SSR3: variants seen among roughly 807,000 people sequenced by gnomAD.
SSR3 encodes the protein signal sequence receptor subunit 3.
Under a neutral mutation model 22.1 loss-of-function variants are expected in SSR3, and 10 were observed. That is an observed-to-expected ratio of 0.45 (90% CI 0.28 to 0.77). SSR3 has a LOEUF of 0.77. Ranked by LOEUF, SSR3 falls within the 30% of genes least tolerant of loss-of-function variation. SSR3 has a pLI of 0.13. For missense variants in SSR3, 181 were observed against 220.5 expected (o/e 0.82, Z 1.13); for synonymous variants, 104 against 82.5 (o/e 1.26, Z -1.42).
At chr3:156,554,137 C>T (rs2292340) in intron 1 of SSR3, 51,038 of 169,714 alleles carry the variant, frequency 0.3, 8,124 homozygotes, top group African/African-American at 0.41. Context: ...CCACGTGCAG[C>T]CCCAAACCAT....
chr3:156,549,958 T>C (rs2108448962), intron 2 of SSR3, among the ~76,000 whole-genome samples: 1 of 151,938 alleles, frequency 6.6e-6, no homozygotes, highest in East Asian at 1.9e-4. Flanking sequence ...AAGATCCAAC[T>C]TCATTTGATT....
intron 1 of SSR3, chr3:156,554,708 C>A: frequency 1.9e-6 from 1 of 517,192 alleles, no homozygotes; most frequent in Non-Finnish European, 3.4e-6. Context: ...ACCACCTTCT[C>A]CTGGGGTGGA....
At chr3:156,549,108 G>A (rs576465190) in intron 2 of SSR3, 105 bp from the exon 3 acceptor site, 263 of 1,114,316 alleles carry the variant, frequency 2.4e-4, no homozygotes, top group Admixed American at 5.9e-4. Flanking sequence ...GCAACAGAAT[G>A]ATATTTCACA....
rs536551305 is a variant in SSR3, at chr3:156,541,576, G to A, written c.*1627C>T. On this transcript the variant is annotated 3_prime_UTR_variant, in exon 5 of 5. Transcript: ENST00000265044. ...TTACAGGCGCCCACCATCACGCCTGGCTAATTTTGGTATTTTTAGTAGAGA... is the reference window on the plus strand; with the variant it reads ...TTACAGGCGCCCACCATCACGCCTGACTAATTTTGGTATTTTTAGTAGAGA... 6.6e-6 allele frequency: 1 copy of A among 152,174 alleles called. No individual in the cohort carries two copies. The highest frequency in any genetic ancestry group is 2.4e-5 in the African/African-American group (1 of 41,518). 9.4% of individuals were successfully genotyped at this position (152,174 alleles called of 1,614,324 possible).
Position 156,554,970 on chromosome 3 carries a change from A to C in SSR3, c.120T>G (p.Ser40=). 1 of 1,613,806 alleles carries C rather than the reference A, an allele frequency of 6.2e-7. No homozygotes were observed. Residue 40 remains serine, a synonymous_variant, in exon 1 of 5, where the codon TCT becomes TCG. Coordinates refer to ENST00000265044, the MANE Select transcript of SSR3 (RefSeq NM_007107.5). ...ALFFGNAFIV[S]AIPIWLYWRI... ...CCCAGCACTCACAGATGGGGATGGC[A>C]GACACGATGAACGCGTTTCCGAAGA... is the stretch of plus-strand genomic sequence containing the variant.
At chr3:156,544,573 T>C in intron 3 of SSR3, 134 bp from the exon 4 acceptor site, 1 of 631,102 alleles carries the variant, frequency 1.6e-6, no homozygotes, top group East Asian at 3.3e-5. Flanking sequence ...TTTGTAATAT[T>C]AGATTTAGTC....
In SSR3 at chr3:156,544,322, G is replaced by C; in HGVS notation, c.477C>G (p.Asn159Lys). ...GAAAAGGATACACTGTGGGGTTGAA[G>C]TTCTTCAATATGAAGAAGGAAGCAA... Reference protein sequence around the residue: ...VIVASFFILKNFNPTVNYILS... With the variant: ...VIVASFFILKKFNPTVNYILS... The change falls in exon 4 of 5, where the codon AAC (asparagine) becomes AAG (lysine). Residue 159 changes from asparagine to lysine, a missense_variant. By Grantham distance (94) the Asn-to-Lys change is moderately conservative. Coordinates refer to ENST00000265044, the MANE Select transcript of SSR3 (RefSeq NM_007107.5). The C allele has an allele frequency of 6.3e-7, 1 of 1,591,816 alleles. No individual in the cohort carries two copies. Among genetic ancestry groups the C allele is most frequent in the Middle Eastern group, 1.7e-4 (1 of 5,994 alleles).
In SSR3 at chr3:156,540,276, G is replaced by A. The variant is rs952776623; in HGVS notation, c.*2927C>T. ...ATCCTTTCCAAGTTTCAATAATATGGCAAATAGGACAACCAGTAAACTTTT... is the reference window on the plus strand; with the variant it reads ...ATCCTTTCCAAGTTTCAATAATATGACAAATAGGACAACCAGTAAACTTTT... On this transcript the variant is annotated 3_prime_UTR_variant, in exon 5 of 5. Coordinates refer to ENST00000265044, the MANE Select transcript of SSR3 (RefSeq NM_007107.5). 6.6e-5 allele frequency: 10 copies of A among 152,014 alleles called. No individual in the cohort carries two copies. In the East Asian group the frequency reaches 1.3e-3, roughly 21 times the overall value. The allele number at this position is 152,014 out of a possible 1,614,324, so 9.4% of individuals were successfully genotyped here.
intron 3 of SSR3, among the ~76,000 whole-genome samples, chr3:156,545,373 T>C (rs1172979147): frequency 1.3e-5 from 2 of 152,212 alleles, no homozygotes; most frequent in South Asian, 4.1e-4. Flanking sequence ...TGAGTTTATC[T>C]GGTCAAAAGG....
intron 4 of SSR3, 53 bp from the exon 5 acceptor site, chr3:156,543,322 G>T: frequency 6.9e-7 from 1 of 1,451,910 alleles, no homozygotes; most frequent in South Asian, 1.2e-5. Flanking sequence ...TTGGTTTTTT[G>T]AGAAAATAAA....
chr3:156,553,916 G>A (rs929500878), intron 1 of SSR3, 135 bp from the exon 2 acceptor site: 2 of 814,808 alleles, frequency 2.5e-6, no homozygotes, highest in Non-Finnish European at 1.8e-6. Flanking sequence ...AATAGTATCT[G>A]AGGATCTTCA....
chr3:156,553,151 G>A (rs1272564474), intron 2 of SSR3, among the ~76,000 whole-genome samples: 1 of 152,152 alleles, frequency 6.6e-6, no homozygotes, highest in African/African-American at 2.4e-5. Context: ...CAGCTACTTG[G>A]GAGGCTGAGG....
chr3:156,549,130 G>C, intron 2 of SSR3, 127 bp from the exon 3 acceptor site: 1 of 1,008,440 alleles, frequency 9.9e-7, no homozygotes, highest in Non-Finnish European at 1.4e-6. Flanking sequence ...TTCAAGAAAA[G>C]AAGCTGAGCA....
chr3:156,547,520 C>CAAGGT (rs779314601), intron 3 of SSR3, among the ~76,000 whole-genome samples: 14 of 152,148 alleles, frequency 9.2e-5, no homozygotes, highest in Non-Finnish European at 1.9e-4. Flanking sequence ...AAACAGTTAC[C>CAAGGT]TAGATTTTCT....
At chr3:156,546,993 G>T (rs932466262) in intron 3 of SSR3, among the ~76,000 whole-genome samples, 1 of 152,124 alleles carries the variant, frequency 6.6e-6, no homozygotes, top group East Asian at 1.9e-4. Context: ...AAATCTCCTG[G>T]AATTCTTTCA....
chr3:156,553,699 C>T lies in SSR3; in HGVS notation c.216G>A (p.Leu72=), dbSNP rs765382943. 3.7e-6 allele frequency: 6 copies of T among 1,612,250 alleles called. No homozygotes were observed. Among genetic ancestry groups the T allele is most frequent in the Middle Eastern group, 2.0e-4 (1 of 5,024 alleles). Residue 72 remains leucine, a synonymous_variant, in exon 2 of 5, where the codon TTG becomes TTA. Coordinates refer to ENST00000265044, the MANE Select transcript of SSR3 (RefSeq NM_007107.5). ...TCACATTCTTGTATGCAAAGGCTACCAAATATGTGCTTACTAGGGTCATCA... is the reference window on the plus strand; with the variant it reads ...TCACATTCTTGTATGCAAAGGCTACTAAATATGTGCTTACTAGGGTCATCA... ...YSVMTLVSTY[L]VAFAYKNVKF...
At chr3:156,544,017 G>A (rs1436680456) in intron 4 of SSR3, 1 of 361,014 alleles carries the variant, frequency 2.8e-6, no homozygotes, top group East Asian at 4.1e-5. Context: ...TATCAAAAAT[G>A]ACAGGTTTGC....
intron 4 of SSR3, 62 bp from the exon 5 acceptor site, chr3:156,543,331 A>G: frequency 9.9e-6 from 13 of 1,312,946 alleles, no homozygotes; most frequent in Non-Finnish European, 1.4e-5. Context: ...TGAGAAAATA[A>G]AGAGCCCATC....
intron 3 of SSR3, among the ~76,000 whole-genome samples, chr3:156,544,766 C>T (rs1347183041): frequency 6.6e-6 from 1 of 152,166 alleles, no homozygotes; most frequent in African/African-American, 2.4e-5. Flanking sequence ...TGGCCCTTAC[C>T]TAAAACTCAA....
Sources: allele counts gnomAD v4.1 joint callset (sites outside exome capture counted in the v4.1 genomes callset), GRCh38; gene constraint gnomAD v4.1.1; transcripts MANE v1.5; gene names NCBI Gene and HGNC (gene_info 2026-07-23, HGNC 2026-07-21).